Variants in LEPROTL1 observed in about 807,000 individuals in gnomAD.
LEPROTL1 encodes the protein leptin receptor overlapping transcript like 1, also known as leptin receptor overlapping transcript-like 1.
A neutral mutation model predicts 15.4 loss-of-function variants in LEPROTL1; 6 were observed. That is an observed-to-expected ratio of 0.39 (90% CI 0.21 to 0.77). The LOEUF is 0.77. LEPROTL1 is among the 30% of genes least tolerant of loss of function. LEPROTL1 has a pLI of 0.41. For synonymous variants in LEPROTL1, 56 were observed against 52.6 expected, an observed-to-expected ratio of 1.06 and a Z score of -0.28; for missense variants, 128 against 158.1, an observed-to-expected ratio of 0.81 and a Z score of 1.02.
chr8:30,104,386 A>G lies in LEPROTL1; in HGVS notation c.179A>G (p.Asp60Gly), dbSNP rs1224619148. 1 of 1,612,416 alleles carries G rather than the reference A, an allele frequency of 6.2e-7. No individual in the cohort carries two copies. Among genetic ancestry groups the G allele is most frequent in the Non-Finnish European group, 8.5e-7 (1 of 1,178,950 alleles). Residue 60 changes from aspartate (D) to glycine (G), a missense_variant, in exon 3 of 4, where the codon GAT becomes GGT. By Grantham distance (94) the Asp-to-Gly change is moderately conservative. Coordinates refer to ENST00000321250, the MANE Select transcript of LEPROTL1 (RefSeq NM_015344.3). ...GCAAGAAGATTAGTGGATGATACAGATGCTATGAGTAACGCTTGTAAGGAA... is the reference window on the plus strand; with the variant it reads ...GCAAGAAGATTAGTGGATGATACAGGTGCTATGAGTAACGCTTGTAAGGAA... Reference protein sequence around the residue: ...CIARRLVDDTDAMSNACKELA... With the variant: ...CIARRLVDDTGAMSNACKELA...
At chr8:30,095,817 C>T in intron 1 of LEPROTL1, 4 of 701,668 alleles carry the variant, frequency 5.7e-6, no homozygotes, top group Non-Finnish European at 1.0e-5. Context: ...AAGTGGTTGG[C>T]GGTCAGTGAG....
intron 3 of LEPROTL1, among the ~76,000 whole-genome samples, chr8:30,123,659 T>A (rs1244298821): frequency 6.6e-6 from 1 of 152,218 alleles, no homozygotes; most frequent in Non-Finnish European, 1.5e-5. Context: ...GTATGAAGTA[T>A]GTTTGCATGG....
At chr8:30,119,624 A>G (rs1802796326) in intron 3 of LEPROTL1, among the ~76,000 whole-genome samples, 1 of 152,178 alleles carries the variant, frequency 6.6e-6, no homozygotes, top group East Asian at 1.9e-4. Flanking sequence ...TACATCTTTA[A>G]AGCCCTTTCT....
chr8:30,116,710 G>C (rs2117506579), intron 3 of LEPROTL1, among the ~76,000 whole-genome samples: 1 of 152,282 alleles, frequency 6.6e-6, no homozygotes, highest in Non-Finnish European at 1.5e-5. Flanking sequence ...TATCCCTTAG[G>C]GTAAACAGGT....
chr8:30,126,114 G>A lies in LEPROTL1; in HGVS notation c.280-6261G>A, dbSNP rs116135084. On this transcript the variant is annotated intron_variant, in intron 3 of 4. Coordinates refer to the LEPROTL1 transcript ENST00000442880. The stretch of plus-strand genomic sequence containing the variant: ...TTACTAATGATTGCAATTGGTCATT[G>A]CAATGCCCATAATCTATCTATAATC... Among the ~76,000 whole-genome samples, 497 of 152,244 alleles carry A rather than the reference G, an allele frequency of 3.3e-3. 5 individuals carry two copies. Among genetic ancestry groups the A allele is most frequent in the African/African-American group, 0.011 (470 of 41,530 alleles).
intron 1 of LEPROTL1, among the ~76,000 whole-genome samples, chr8:30,097,537 G>C (rs188962854): frequency 1.3e-3 from 192 of 151,830 alleles, no homozygotes; most frequent in African/African-American, 4.3e-3. Context: ...GCTGGGCATG[G>C]TGGCAGGCAC....
intron 4 of LEPROTL1, chr8:30,137,197 C>T (rs573421149): frequency 1.9e-5 from 21 of 1,119,866 alleles, no homozygotes; most frequent in Non-Finnish European, 2.6e-5. Context: ...AATGTTTCCT[C>T]TCATCTCAGG....
chr8:30,096,420 A>G (rs977751872), intron 1 of LEPROTL1: 1 of 984,638 alleles, frequency 1.0e-6, no homozygotes, highest in African/African-American at 1.7e-5. Flanking sequence ...GGCAGGAAGC[A>G]GGTAACTTTG....
intron 3 of LEPROTL1, among the ~76,000 whole-genome samples, chr8:30,120,677 T>C (rs1802817016): frequency 6.6e-6 from 1 of 152,086 alleles, no homozygotes; most frequent in African/African-American, 2.4e-5. Flanking sequence ...ACTACAGTCA[T>C]GAGCCACCAT....
In LEPROTL1 at chr8:30,101,685, A is replaced by G. The variant is rs565455504; in HGVS notation, c.17-213A>G. Among the ~76,000 whole-genome samples, 888 of 150,974 alleles carry G rather than the reference A, an allele frequency of 5.9e-3. 9 individuals are homozygous for G. The highest frequency in any genetic ancestry group is 0.02 in the African/African-American group (842 of 41,144). On this transcript the variant is annotated intron_variant, in intron 1 of 3. Transcript: ENST00000321250. Reference sequence around the variant, plus strand: ...CTCCATCTCACAAAAAAAAAAAAAAAAAAAAAAAAGGCCAGTGTCACTTCA... The same window carrying G: ...CTCCATCTCACAAAAAAAAAAAAAAGAAAAAAAAAGGCCAGTGTCACTTCA...
At chr8:30,105,009 C>T (rs4733364) in intron 3 of LEPROTL1, 2,032 of 152,812 alleles carry the variant, frequency 0.013, 48 homozygotes, top group East Asian at 0.075. Flanking sequence ...CCACCGCACC[C>T]GTCTGGCTTG....
downstream of LEPROTL1, among the ~76,000 whole-genome samples, chr8:30,113,047 G>A (rs867321509): frequency 5.3e-5 from 8 of 150,972 alleles, no homozygotes; most frequent in Non-Finnish European, 7.4e-5. Flanking sequence ...TGAGGCTGGC[G>A]GATCACTTGA....
rs151081361 is a variant in LEPROTL1 at position 30,106,717 on chromosome 8, A to G, written c.*855A>G. 210 of 985,176 alleles carry G rather than the reference A, an allele frequency of 2.1e-4. 12 individuals carry two copies. The East Asian group carries it at 9.9e-3, about 46-fold the overall frequency. 61.0% of individuals were successfully genotyped at this position (985,176 alleles called of 1,614,324 possible). On this transcript the variant is annotated 3_prime_UTR_variant, in exon 4 of 4. Coordinates refer to ENST00000321250, the MANE Select transcript of LEPROTL1 (RefSeq NM_015344.3). ...TTATAAGTGAAATTTGTGATCTCCT[A>G]TCAACCTTTCATGTTTTACCCTGTT...
At chr8:30,096,791 G>A (rs1225940601) in intron 1 of LEPROTL1, among the ~76,000 whole-genome samples, 1 of 152,166 alleles carries the variant, frequency 6.6e-6, no homozygotes, top group Non-Finnish European at 1.5e-5. Flanking sequence ...TGATGAAGGT[G>A]CCTCAGGTGA....
exon 4 of LEPROTL1, chr8:30,132,384 G>A (rs865982440): frequency 4.5e-6 from 7 of 1,551,652 alleles, no homozygotes; most frequent in Non-Finnish European, 6.1e-6. Context: ...GGGTCCAGAT[G>A]TCTGCATCGG....
At chr8:30,112,075 G>A (rs1002554306), downstream of LEPROTL1, among the ~76,000 whole-genome samples, 10 of 152,170 alleles carry the variant, frequency 6.6e-5, no homozygotes, top group African/African-American at 2.2e-4. Context: ...GAGTAAAGGA[G>A]TAGTAAGGGA....
exon 5 of LEPROTL1, chr8:30,137,592 T>A: frequency 1.0e-6 from 1 of 989,046 alleles, no homozygotes. Flanking sequence ...TTCATTCTAA[T>A]GAAACTGCCA....
Position 30,095,461 on chromosome 8 carries a change from C to CGCTGCT in LEPROTL1, c.-49_-44dup. 2 of 1,463,230 alleles carry CGCTGCT rather than the reference C, an allele frequency of 1.4e-6. No individual in the cohort carries two copies. 90.6% of individuals were successfully genotyped at this position (1,463,230 alleles called of 1,614,324 possible). A position where few individuals can be genotyped will look rare whatever the true frequency, so the allele number is the denominator to read the frequency against. On this transcript the variant is annotated 5_prime_UTR_variant, in exon 1 of 4. Coordinates refer to ENST00000321250, the MANE Select transcript of LEPROTL1 (RefSeq NM_015344.3). ...AGCGCGTCTTGGGTCTCCCGGCTGCCGCTGCTGCCGCCGCCGCCTCGGGTC... is the reference window on the plus strand; with the variant it reads ...AGCGCGTCTTGGGTCTCCCGGCTGCCGCTGCTGCTGCTGCCGCCGCCGCCTCGGGTC...
exon 5 of LEPROTL1, chr8:30,137,315 C>T (rs1163600903): frequency 6.4e-7 from 1 of 1,551,708 alleles, no homozygotes. Flanking sequence ...ACAGCTGAGT[C>T]TGAAGGAAGA....
Sources: allele counts gnomAD v4.1 joint callset (sites outside exome capture counted in the v4.1 genomes callset), GRCh38; gene constraint gnomAD v4.1.1; transcripts MANE v1.5; gene names NCBI Gene and HGNC (gene_info 2026-07-23, HGNC 2026-07-21).